Variants in CSMD1 observed in about 807,000 individuals in gnomAD.
CSMD1 encodes CUB and Sushi multiple domains 1, also known as CUB and sushi domain-containing protein 1.
A neutral mutation model predicts 417.5 loss-of-function variants in CSMD1; 213 were observed. That is an observed-to-expected ratio of 0.51 (90% confidence interval 0.46 to 0.57). CSMD1 has a LOEUF of 0.57. Ranked by LOEUF, CSMD1 falls within the 20% of genes least tolerant of loss-of-function variation. CSMD1 has a pLI of 0.00. For missense variants in CSMD1, 6,923 were observed against 4,529.7 expected (o/e 1.53, Z -15.17); for synonymous variants, 2,862 against 1,736.8 (o/e 1.65, Z -16.11).
chr8:2,942,070 A>T (rs1801910158), intron 69 of CSMD1, among the ~76,000 whole-genome samples: 1 of 152,230 alleles, frequency 6.6e-6, no homozygotes, highest in South Asian at 2.1e-4. Flanking sequence ...TTGACAAATA[A>T]GCATTGTTAG....
intron 26 of CSMD1, among the ~76,000 whole-genome samples, chr8:3,264,082 G>C (rs1801268896): frequency 1.3e-5 from 2 of 152,122 alleles, no homozygotes; most frequent in African/African-American, 2.4e-5. Flanking sequence ...TTATTTCCCA[G>C]AGATCCTTTT....
At chr8:3,085,797 C>G (rs1460987486) in intron 49 of CSMD1, among the ~76,000 whole-genome samples, 1 of 152,202 alleles carries the variant, frequency 6.6e-6, no homozygotes, top group Non-Finnish European at 1.5e-5. Context: ...TTCCAGAACT[C>G]CTTGCATATC....
At chr8:4,199,065 C>T (rs1306729322) in intron 3 of CSMD1, among the ~76,000 whole-genome samples, 2 of 152,118 alleles carry the variant, frequency 1.3e-5, no homozygotes, top group East Asian at 1.9e-4. Context: ...TCTGGCAAAA[C>T]CCCTGAGGTA....
intron 5 of CSMD1, among the ~76,000 whole-genome samples, chr8:3,796,379 TATATATATCTATCATGTATAGATATAG>T (rs1800138031): frequency 6.2e-5 from 3 of 48,196 alleles, no homozygotes; most frequent in South Asian, 6.1e-4. Context: ...CTATCATGTA[TATATATATCTATCATGTATAGATATAG>T]ATATATATCT....
At chr8:4,454,842 T>TC (rs147778039) in intron 2 of CSMD1, among the ~76,000 whole-genome samples, 1,714 of 152,314 alleles carry the variant, frequency 0.011, 24 homozygotes, top group African/African-American at 0.035. Context: ...AAGGTTTTTT[T>TC]CCACAGTTTA....
intron 5 of CSMD1, among the ~76,000 whole-genome samples, chr8:3,960,614 CAT>C (rs758676527): frequency 2.6e-5 from 4 of 151,792 alleles, no homozygotes; most frequent in Non-Finnish European, 5.9e-5. Flanking sequence ...TTGTATATAA[CAT>C]TAATGGAAAT....
chr8:4,309,836 C>G (rs1363377163), intron 3 of CSMD1, among the ~76,000 whole-genome samples: 3 of 152,264 alleles, frequency 2.0e-5, no homozygotes, highest in East Asian at 3.9e-4. Context: ...TTAAATATAG[C>G]TGTCTGAGTA....
intron 2 of CSMD1, among the ~76,000 whole-genome samples, chr8:4,569,408 C>G (rs1798773568): frequency 6.6e-6 from 1 of 152,136 alleles, no homozygotes; most frequent in South Asian, 2.1e-4. Flanking sequence ...GAAATCCTTT[C>G]CCCATTGCTT....
At chr8:3,495,678 T>C (rs1000654769) in intron 10 of CSMD1, among the ~76,000 whole-genome samples, 19 of 152,324 alleles carry the variant, frequency 1.2e-4, no homozygotes, top group African/African-American at 4.1e-4. Context: ...AATAGAAGTA[T>C]GTGTATTTTA....
chr8:4,088,357 G>A (rs943957613), intron 3 of CSMD1, among the ~76,000 whole-genome samples: 11 of 152,184 alleles, frequency 7.2e-5, no homozygotes, highest in Non-Finnish European at 1.6e-4. Context: ...CACAGAAGAC[G>A]GAAACGTCTT....
At chr8:4,568,403 GA>G (rs1221543765) in intron 2 of CSMD1, among the ~76,000 whole-genome samples, 6 of 152,076 alleles carry the variant, frequency 3.9e-5, no homozygotes, top group South Asian at 4.1e-4. Flanking sequence ...TGTCTTTACT[GA>G]GAATGGTTTC....
intron 1 of CSMD1, among the ~76,000 whole-genome samples, chr8:4,701,650 T>C (rs1378875696): frequency 1.3e-5 from 2 of 152,140 alleles, no homozygotes; most frequent in Non-Finnish European, 2.9e-5. Flanking sequence ...TGAAGTATGC[T>C]AGGTCCACAC....
intron 54 of CSMD1, among the ~76,000 whole-genome samples, chr8:2,995,344 C>G (rs1363349859): frequency 6.6e-6 from 1 of 152,194 alleles, no homozygotes; most frequent in Non-Finnish European, 1.5e-5. Context: ...CCACAGAAAG[C>G]TATCACCACA....
rs75193149 is a variant in CSMD1, at chr8:4,658,807, T to C, written c.86-21249A>G. Among the ~76,000 whole-genome samples, 1,174 of 152,282 alleles carry C rather than the reference T, an allele frequency of 7.7e-3. 18 individuals carry two copies. The highest frequency in any genetic ancestry group is 0.027 in the African/African-American group (1,133 of 41,550). ...AACAATCACCACACATCTGGGTTAA[T>C]GGTAACACAATTTATGAGGATATAA... On this transcript the variant is annotated intron_variant, in intron 1 of 69. Transcript: ENST00000635120.
At chr8:3,674,720 T>C (rs1417255445) in intron 7 of CSMD1, among the ~76,000 whole-genome samples, 2 of 152,172 alleles carry the variant, frequency 1.3e-5, no homozygotes, top group African/African-American at 4.8e-5. Flanking sequence ...CCAGTCTTGC[T>C]GATTCCAAGT....
intron 3 of CSMD1, among the ~76,000 whole-genome samples, chr8:4,086,312 A>G (rs1449156633): frequency 1.3e-5 from 2 of 152,210 alleles, no homozygotes; most frequent in African/African-American, 4.8e-5. Context: ...ATCAGACAGA[A>G]GTTCCAAAGC....
At chr8:3,836,211 T>A (rs1802690095) in intron 5 of CSMD1, among the ~76,000 whole-genome samples, 1 of 152,184 alleles carries the variant, frequency 6.6e-6, no homozygotes, top group Admixed American at 6.6e-5. Context: ...GATCATGTCA[T>A]CGGACATTCT....
chr8:3,787,279 A>C (rs1452189426), intron 5 of CSMD1, among the ~76,000 whole-genome samples: 1 of 152,194 alleles, frequency 6.6e-6, no homozygotes, highest in Non-Finnish European at 1.5e-5. Context: ...GAAAAACCAT[A>C]ATCAATTTTA....
At chr8:4,424,058 A>C (rs1209204454) in intron 2 of CSMD1, among the ~76,000 whole-genome samples, 1 of 152,072 alleles carries the variant, frequency 6.6e-6, no homozygotes. Flanking sequence ...TGTGGATTAC[A>C]AATATAAATG....
Sources: gnomAD v4.1 joint callset for allele counts (sites outside exome capture counted in the v4.1 genomes callset) on GRCh38, gnomAD v4.1.1 for gene constraint, MANE v1.5 for transcripts, NCBI Gene and HGNC (gene_info 2026-07-23, HGNC 2026-07-21) for gene names.